Variants in ZNF407 observed in about 807,000 individuals in gnomAD.
The protein encoded by ZNF407 is zinc finger protein 407.
ZNF407 carries 17 observed loss-of-function variants against 131.2 expected under a neutral mutation model. The observed-to-expected ratio is 0.13, with a 90% CI of 0.09 to 0.19. The LOEUF (loss-of-function observed/expected upper bound fraction) is 0.19. ZNF407 is among the 10% of genes least tolerant of loss of function. The pLI is 1.00. For missense variants in ZNF407, 2,681 were observed against 2,830.6 expected (o/e 0.95, Z 1.20); for synonymous variants, 1,156 against 1,062.0 (o/e 1.09, Z -1.72).
chr18:74,854,712 T>C (rs17055751), intron 4 of ZNF407, among the ~76,000 whole-genome samples: 11,299 of 152,154 alleles, frequency 0.074, 573 homozygotes, highest in Middle Eastern at 0.18. Flanking sequence ...CCCAATGCAC[T>C]ACACAGACAC....
intron 4 of ZNF407, among the ~76,000 whole-genome samples, chr18:74,838,998 A>G (rs1970595480): frequency 1.3e-5 from 2 of 152,110 alleles, no homozygotes; most frequent in Non-Finnish European, 2.9e-5. Flanking sequence ...ACTGTCTGCA[A>G]AGTTGGAGTT....
chr18:74,645,637 T>TTGTGTGTGTG (rs35047949), intron 3 of ZNF407, among the ~76,000 whole-genome samples: 135 of 145,286 alleles, frequency 9.3e-4, no homozygotes, highest in South Asian at 3.4e-3. Context: ...GTAAAACTCT[T>TTGTGTGTGTG]TGTGTGTGTG....
chr18:74,675,309 ATTTATTTCCTTC>A (rs1986309919), intron 3 of ZNF407, among the ~76,000 whole-genome samples: 1 of 152,198 alleles, frequency 6.6e-6, no homozygotes, highest in Non-Finnish European at 1.5e-5. Flanking sequence ...TACTTTGTAT[ATTTATTTCCTTC>A]TTTATTGTCA....
At chr18:74,732,599 C>G (rs1968319128) in intron 3 of ZNF407, among the ~76,000 whole-genome samples, 1 of 152,180 alleles carries the variant, frequency 6.6e-6, no homozygotes, top group African/African-American at 2.4e-5. Context: ...TCAGATTGCC[C>G]TTCAGTGGAT....
chr18:74,739,452 G>T (rs970737317), intron 3 of ZNF407, among the ~76,000 whole-genome samples: 1 of 151,560 alleles, frequency 6.6e-6, no homozygotes, highest in Non-Finnish European at 1.5e-5. Context: ...ATTGAAACAG[G>T]TATTTTCCTT....
intron 1 of ZNF407, among the ~76,000 whole-genome samples, chr18:74,604,896 TATAGTTCATGC>T (rs773855018): frequency 6.0e-4 from 92 of 152,290 alleles, no homozygotes; most frequent in Non-Finnish European, 1.2e-3. Context: ...ATCAGATATT[TATAGTTCATGC>T]ATAGTTCATC....
chr18:74,853,672 T>C (rs1282947409), intron 4 of ZNF407, among the ~76,000 whole-genome samples: 4 of 152,228 alleles, frequency 2.6e-5, no homozygotes, highest in Non-Finnish European at 5.9e-5. Context: ...CTTCTGCCCA[T>C]TTCCAGCATG....
At chr18:74,977,376 T>G (rs1972539834) in intron 8 of ZNF407, among the ~76,000 whole-genome samples, 1 of 152,240 alleles carries the variant, frequency 6.6e-6, no homozygotes, top group African/African-American at 2.4e-5. Context: ...CACATCCTGG[T>G]AAGATGTTTG....
At chr18:74,664,696 C>A (rs72967636) in intron 3 of ZNF407, among the ~76,000 whole-genome samples, 1 of 152,190 alleles carries the variant, frequency 6.6e-6, no homozygotes, top group South Asian at 2.1e-4. Flanking sequence ...CTCCAGCTGT[C>A]TCTCTGTCTC....
chr18:75,050,174 TTAAAA>T (rs1973483260), intron 8 of ZNF407, among the ~76,000 whole-genome samples: 1 of 152,210 alleles, frequency 6.6e-6, no homozygotes, highest in African/African-American at 2.4e-5. Flanking sequence ...TGCATTAAAC[TTAAAA>T]TAATAGTAAT....
At chr18:74,742,805 C>T (rs1308595065) in intron 3 of ZNF407, among the ~76,000 whole-genome samples, 1 of 152,100 alleles carries the variant, frequency 6.6e-6, no homozygotes, top group Non-Finnish European at 1.5e-5. Flanking sequence ...CTGTTTCTAG[C>T]TCATAAATTC....
At chr18:74,624,755 G>C (rs567795642) in intron 1 of ZNF407, among the ~76,000 whole-genome samples, 2 of 152,196 alleles carry the variant, frequency 1.3e-5, no homozygotes, top group Non-Finnish European at 2.9e-5. Flanking sequence ...GCTTTCTTAC[G>C]TGCTCGTGGT....
intron 8 of ZNF407, among the ~76,000 whole-genome samples, chr18:74,934,339 A>G (rs887442398): frequency 6.6e-6 from 1 of 152,078 alleles, no homozygotes; most frequent in African/African-American, 2.4e-5. Flanking sequence ...TTGGGGAACT[A>G]TGTTTTAGGA....
chr18:74,681,414 TAA>T (rs1966979521), intron 3 of ZNF407, among the ~76,000 whole-genome samples: 2 of 152,100 alleles, frequency 1.3e-5, no homozygotes, highest in Non-Finnish European at 2.9e-5. Flanking sequence ...GGCTAAGTTT[TAA>T]ATTTTTGGTA....
intron 3 of ZNF407, among the ~76,000 whole-genome samples, chr18:74,770,564 T>C (rs1006184180): frequency 6.6e-6 from 1 of 152,196 alleles, no homozygotes; most frequent in African/African-American, 2.4e-5. Context: ...AAGTCTACAA[T>C]GTACTCTTAA....
intron 3 of ZNF407, among the ~76,000 whole-genome samples, chr18:74,762,972 T>C (rs1187799714): frequency 6.6e-6 from 1 of 151,978 alleles, no homozygotes; most frequent in Non-Finnish European, 1.5e-5. Context: ...AAATCTAAAG[T>C]GATTGGATTT....
chr18:74,994,528 G>T (rs1229082536), intron 8 of ZNF407, among the ~76,000 whole-genome samples: 2 of 152,226 alleles, frequency 1.3e-5, no homozygotes, highest in Non-Finnish European at 2.9e-5. Context: ...CTGCATCCTT[G>T]TTTAAAGCAA....
intron 3 of ZNF407, among the ~76,000 whole-genome samples, chr18:74,679,366 G>A (rs988878713): frequency 3.9e-5 from 6 of 152,136 alleles, no homozygotes; most frequent in South Asian, 2.1e-4. Context: ...ACATGATCCC[G>A]TTCTCTTTCT....
chr18:74,635,637 A>G lies in ZNF407; in HGVS notation c.4618A>G (p.Lys1540Glu), dbSNP rs746499537. The G allele has an allele frequency of 6.2e-6, 10 of 1,613,220 alleles. No individual in the cohort carries two copies. In the East Asian group the frequency reaches 2.2e-4, roughly 36 times the overall value. ...GGAGGAAAACCAGGGAAACGTCTGCAAGTATTGTGGGAAGATGTGTCGAAG... is the reference window on the plus strand; with the variant it reads ...GGAGGAAAACCAGGGAAACGTCTGCGAGTATTGTGGGAAGATGTGTCGAAG... Reference protein sequence around the residue: ...EREENQGNVCKYCGKMCRSSN... With the variant: ...EREENQGNVCEYCGKMCRSSN... Residue 1540 changes from lysine to glutamate, a missense_variant, in exon 2 of 9, where the codon AAG (lysine) becomes GAG (glutamate). By Grantham distance (56) the Lys-to-Glu change is moderately conservative (BLOSUM62 1). This residue lies in a region of ZNF407 where 213 missense variants were observed against 332.2 expected (regional missense o/e 0.64). Transcript: ENST00000299687. The surrounding 1 kb of genome is among the most constrained non-coding windows in gnomAD (Gnocchi z 4.7).
Sources: allele counts gnomAD v4.1 joint callset (sites outside exome capture counted in the v4.1 genomes callset), GRCh38; gene constraint gnomAD v4.1.1; regional missense constraint gnomAD v4.1.1; non-coding constraint Gnocchi (gnomAD v3.1); transcripts MANE v1.5; gene names NCBI Gene and HGNC (gene_info 2026-07-23, HGNC 2026-07-21).